The following ABCA13 variants were observed in gnomAD, a reference collection of about 807,000 sequenced individuals.
ABCA13 encodes ATP-binding cassette sub-family A member 13.
Under a neutral mutation model 478.7 loss-of-function variants are expected in ABCA13, and 476 were observed. The observed-to-expected ratio is 0.99, with a 90% CI of 0.92 to 1.07. ABCA13 has a LOEUF of 1.07. Ranked by LOEUF, ABCA13 falls within the 50% of genes least tolerant of loss-of-function variation. The pLI is 0.00. For synonymous variants in ABCA13, 2,252 were observed against 2,158.9 expected, an observed-to-expected ratio of 1.04 and a Z score of -1.20; for missense variants, 6,060 against 5,910.6, an observed-to-expected ratio of 1.03 and a Z score of -0.83.
At chr7:48,491,527 T>C (rs1829843326) in intron 48 of ABCA13, among the ~76,000 whole-genome samples, 3 of 152,190 alleles carry the variant, frequency 2.0e-5, no homozygotes, top group Non-Finnish European at 2.9e-5. Flanking sequence ...GCTAGTTCAA[T>C]GGTGTTTCAG....
At position 48,275,998 on chromosome 7, in the gene ABCA13, C is replaced by T. The variant is rs1256429284; in HGVS notation, c.6332C>T (p.Pro2111Leu). Residue 2111 changes from proline (P) to leucine (L), a missense_variant, in exon 17 of 62, where the codon CCG (proline) becomes CTG (leucine). Transcript: ENST00000435803. ...CATTTCCTGGAAATCCTGGATTCAC[C>T]GTCATTGAAGACATTAGAAATTATT... ...FAHFLEILDS[P>L]SLKTLEIIED... is the part of the protein sequence containing the mutation. 28 of 1,612,716 alleles carry T rather than the reference C, an allele frequency of 1.7e-5. No individual in the cohort carries two copies. The highest frequency in any genetic ancestry group is 2.2e-5 in the Non-Finnish European group (26 of 1,179,380).
At chr7:48,561,925 T>C (rs1786497723) in intron 55 of ABCA13, among the ~76,000 whole-genome samples, 1 of 152,142 alleles carries the variant, frequency 6.6e-6, no homozygotes, top group Admixed American at 6.6e-5. Context: ...AAGATAAGTG[T>C]CCAATTTCAT....
intron 55 of ABCA13, among the ~76,000 whole-genome samples, chr7:48,578,637 A>C (rs1482471104): frequency 2.0e-5 from 3 of 152,184 alleles, no homozygotes; most frequent in African/African-American, 7.2e-5. Context: ...CCCAACCTGA[A>C]TGTTAGGTTT....
At chr7:48,223,512 T>G (rs1439010449) in intron 5 of ABCA13, among the ~76,000 whole-genome samples, 2 of 152,070 alleles carry the variant, frequency 1.3e-5, no homozygotes, top group Non-Finnish European at 2.9e-5. Context: ...ATGGGGATGA[T>G]CCATTGTCTC....
At chr7:48,521,460 C>T (rs931697714) in intron 53 of ABCA13, among the ~76,000 whole-genome samples, 1 of 152,118 alleles carries the variant, frequency 6.6e-6, no homozygotes, top group African/African-American at 2.4e-5. Flanking sequence ...GTAAAATAGA[C>T]ACCGTTTTGA....
chr7:48,455,989 G>A (rs1454820144), intron 43 of ABCA13, among the ~76,000 whole-genome samples: 1 of 152,138 alleles, frequency 6.6e-6, no homozygotes, highest in East Asian at 1.9e-4. Flanking sequence ...GAGAATCTGT[G>A]CAGAGTCAGG....
chr7:48,201,164 G>C (rs952119460), intron 3 of ABCA13, among the ~76,000 whole-genome samples: 4 of 152,232 alleles, frequency 2.6e-5, no homozygotes, highest in African/African-American at 7.2e-5. Context: ...GAGAACTCCT[G>C]AGTCATTCAA....
At chr7:48,466,920 C>T in intron 43 of ABCA13, 36 bp from the exon 44 acceptor site, 2 of 1,605,266 alleles carry the variant, frequency 1.2e-6, no homozygotes, top group South Asian at 2.2e-5. Context: ...CACTAATAAT[C>T]CCACTTTGTT....
chr7:48,257,213 G>A (rs1562894410), intron 15 of ABCA13, among the ~76,000 whole-genome samples: 2 of 152,086 alleles, frequency 1.3e-5, no homozygotes, highest in East Asian at 1.9e-4. Flanking sequence ...TCTAGGTATA[G>A]GATTGTATCA....
Position 48,385,141 on chromosome 7 carries a change from A to AT in ABCA13, c.11336-2674dup, listed in dbSNP as rs528849481. Reference sequence around the variant, plus strand: ...CAGCTTCCCTTCACTTTATGTATTTATTTTTTTGTAACTTTTAAGTGCAGG... The same window carrying AT: ...CAGCTTCCCTTCACTTTATGTATTTATTTTTTTTGTAACTTTTAAGTGCAGG... On this transcript the variant is annotated intron_variant, in intron 35 of 61. Transcript: ENST00000435803. Among the ~76,000 whole-genome samples the AT allele has an allele frequency of 3.6e-3, 544 of 152,168 alleles. 2 individuals carry two copies. Among genetic ancestry groups the AT allele is most frequent in the Non-Finnish European group, 6.2e-3 (423 of 67,976 alleles).
At chr7:48,606,920 G>A (rs954940871) in intron 58 of ABCA13, among the ~76,000 whole-genome samples, 16 of 152,220 alleles carry the variant, frequency 1.1e-4, no homozygotes, top group Non-Finnish European at 2.2e-4. Flanking sequence ...GCCGAGAGAG[G>A]AGGAATCTAG....
In ABCA13 at chr7:48,593,946, T is replaced by TG. The variant is rs796735404; in HGVS notation, c.14641-763dup. On this transcript the variant is annotated intron_variant, in intron 57 of 61. Coordinates refer to ENST00000435803, the MANE Select transcript of ABCA13 (RefSeq NM_152701.5). ...CTGATAGCCTTGTGGATGTATGTCATGAGCCTTTTTTTTCCTCTTGTTGCT... is the reference window on the plus strand; with the variant it reads ...CTGATAGCCTTGTGGATGTATGTCATGGAGCCTTTTTTTTCCTCTTGTTGCT... Among the ~76,000 whole-genome samples, 8 of 152,256 alleles carry TG rather than the reference T, an allele frequency of 5.3e-5. 2 individuals carry two copies. The highest frequency in any genetic ancestry group is 1.9e-4 in the African/African-American group (8 of 41,560).
intron 7 of ABCA13, among the ~76,000 whole-genome samples, chr7:48,232,025 C>T (rs964145687): frequency 1.7e-4 from 26 of 152,020 alleles, no homozygotes; most frequent in Admixed American, 5.9e-4. Flanking sequence ...CAGAATTTTG[C>T]TGCTTCATGG....
At chr7:48,264,495 A>C (rs553181640) in intron 15 of ABCA13, among the ~76,000 whole-genome samples, 1 of 151,830 alleles carries the variant, frequency 6.6e-6, no homozygotes, top group Non-Finnish European at 1.5e-5. Context: ...GTGTAGTTGT[A>C]TGCTATTATG....
chr7:48,192,551 A>G (rs937710857), intron 1 of ABCA13, among the ~76,000 whole-genome samples: 1 of 152,210 alleles, frequency 6.6e-6, no homozygotes, highest in African/African-American at 2.4e-5. Flanking sequence ...GGTAAATGAG[A>G]AGTGGATGCT....
chr7:48,442,672 G>T (rs1823785673), intron 42 of ABCA13, among the ~76,000 whole-genome samples: 1 of 152,180 alleles, frequency 6.6e-6, no homozygotes, highest in African/African-American at 2.4e-5. Context: ...ATGACCTGGA[G>T]AGTTTGTTAC....
At chr7:48,415,987 C>T (rs997243465) in intron 41 of ABCA13, among the ~76,000 whole-genome samples, 4 of 152,146 alleles carry the variant, frequency 2.6e-5, no homozygotes, top group African/African-American at 9.7e-5. Flanking sequence ...TTCCTGCCTA[C>T]ATCCTTCTTT....
At chr7:48,453,234 G>A (rs950295907) in intron 42 of ABCA13, among the ~76,000 whole-genome samples, 1 of 126,042 alleles carries the variant, frequency 7.9e-6, no homozygotes, top group Admixed American at 8.0e-5. Flanking sequence ...TGGAGATTGG[G>A]ATTTTTTTTT....
At chr7:48,277,829 A>G (rs1796498857) in intron 17 of ABCA13, among the ~76,000 whole-genome samples, 1 of 152,170 alleles carries the variant, frequency 6.6e-6, no homozygotes, top group Non-Finnish European at 1.5e-5. Flanking sequence ...TTTCATAAGC[A>G]AAAGTTTGTG....
Sources: allele counts gnomAD v4.1 joint callset (sites outside exome capture counted in the v4.1 genomes callset), GRCh38; gene constraint gnomAD v4.1.1; transcripts MANE v1.5; gene names NCBI Gene and HGNC (gene_info 2026-07-23, HGNC 2026-07-21).